PHF8: variants seen among roughly 807,000 people sequenced by gnomAD.
The protein encoded by PHF8 is PHD finger protein 8.
A neutral mutation model predicts 74.4 loss-of-function variants in PHF8; 9 were observed. That is an observed-to-expected ratio of 0.12 (90% CI 0.07 to 0.21). The LOEUF is 0.21. PHF8 is among the 10% of genes least tolerant of loss of function. The pLI is 1.00. For missense variants in PHF8, 478 were observed against 816.6 expected (o/e 0.59, Z 5.05); for synonymous variants, 311 against 316.6 (o/e 0.98, Z 0.19).
intron 6 of PHF8, 61 bp downstream of exon 6, chrX:54,016,534 G>A (rs1397513710): frequency 1.1e-6 from 1 of 923,952 alleles, no homozygotes; most frequent in African/African-American, 2.0e-5. Context: ...ATATACACTA[G>A]ATATATCACA....
chrX:53,957,079 G>T lies in PHF8; in HGVS notation c.2539+5765C>A, dbSNP rs190538342. 7.0e-3 allele frequency among the ~76,000 whole-genome samples: 766 copies of T among 109,153 alleles called. 9 individuals are homozygous for T. Among genetic ancestry groups the T allele is most frequent in the African/African-American group, 0.024 (717 of 29,923 alleles). The allele number at this position is 109,153 out of a possible 115,157, so 94.8% of individuals were successfully genotyped here. A position where few individuals can be genotyped will look rare whatever the true frequency, so the allele number is the denominator to read the frequency against. On this transcript the variant is annotated intron_variant, in intron 19 of 21. Coordinates refer to ENST00000338154, the MANE Select transcript of PHF8 (RefSeq NM_015107.3). ...TACAAAAAACTGGCCAGGCGCGGTG[G>T]CTCATGCCTGTAATCCCAGCACTTT...
At chrX:53,999,556 T>C (rs2065798691) in intron 11 of PHF8, 4 of 240,955 alleles carry the variant, frequency 1.7e-5, no homozygotes, top group Non-Finnish European at 3.0e-5. Context: ...AAAATGCACA[T>C]AAAAAAGACC....
rs1408762293 is a variant in PHF8 at position 53,993,881 on chromosome X, C to T, written c.1346G>A (p.Gly449Glu). 2 of 1,205,721 alleles carry T rather than the reference C, an allele frequency of 1.7e-6. No homozygotes were observed. The highest frequency in any genetic ancestry group is 2.2e-6 in the Non-Finnish European group (2 of 890,457). Residue 449 changes from glycine to glutamate, a missense_variant, in exon 13 of 22, where the codon GGG (glycine) becomes GAG (glutamate). Gly to Glu is a moderately conservative substitution (Grantham distance 98). Around this residue, in one of 9 missense-constraint regions of PHF8, gnomAD observed 153 missense variants for 164.8 expected, o/e 0.93. Transcript: ENST00000338154. ...LVEDIFQQNV[G>E]KTSNIFGLQR... is the part of the protein sequence containing the mutation. ...CAGCCCAAAGATATTGCTCGTCTTC[C>T]CAACGTTCTGTTGGAAGATGTCCTA... is the stretch of plus-strand genomic sequence containing the variant.
At chrX:54,004,693 G>A (rs1199926557) in intron 8 of PHF8, among the ~76,000 whole-genome samples, 2 of 111,254 alleles carry the variant, frequency 1.8e-5, no homozygotes, top group African/African-American at 6.5e-5. Context: ...CACTTTGGGA[G>A]GCCGAGGTGG....
chrX:54,010,425 T>C (rs2065966386), intron 8 of PHF8, among the ~76,000 whole-genome samples: 1 of 112,362 alleles, frequency 8.9e-6, no homozygotes, highest in Non-Finnish European at 1.9e-5. Flanking sequence ...ACTTATTTAA[T>C]ATGAAATAGA....
chrX:54,040,696 G>A (rs1170185909), intron 2 of PHF8, among the ~76,000 whole-genome samples: 1 of 111,640 alleles, frequency 9.0e-6, no homozygotes. Context: ...CAAGAGAGGA[G>A]GAGTGGCAGG....
intron 8 of PHF8, among the ~76,000 whole-genome samples, chrX:54,005,579 T>A (rs1486080647): frequency 4.1e-4 from 25 of 61,123 alleles, no homozygotes; most frequent in African/African-American, 7.3e-4. Flanking sequence ...CCCAAAGAAA[T>A]CCACACCAAA....
At chrX:53,951,848 C>A (rs911401464) in intron 19 of PHF8, among the ~76,000 whole-genome samples, 1 of 111,511 alleles carries the variant, frequency 9.0e-6, no homozygotes, top group Non-Finnish European at 1.9e-5. Context: ...GAAGACAGTG[C>A]GAAGACATAT....
At chrX:54,043,392 G>A (rs2066597118) in intron 1 of PHF8, among the ~76,000 whole-genome samples, 1 of 110,982 alleles carries the variant, frequency 9.0e-6, no homozygotes, top group South Asian at 3.8e-4. Flanking sequence ...TGTTCGGAGA[G>A]TTTAAATAAT....
intron 19 of PHF8, among the ~76,000 whole-genome samples, chrX:53,948,492 T>C (rs1557085883): frequency 9.1e-6 from 1 of 110,136 alleles, no homozygotes; most frequent in Admixed American, 9.7e-5. Flanking sequence ...AGGCTGGTCT[T>C]AAACTCCTGA....
At chrX:53,955,287 C>T (rs1278827994) in intron 19 of PHF8, among the ~76,000 whole-genome samples, 2 of 110,540 alleles carry the variant, frequency 1.8e-5, no homozygotes, top group African/African-American at 6.6e-5. Flanking sequence ...CTATGTGGCC[C>T]AGGCTGGTCT....
chrX:53,990,031 T>C (rs181693859), intron 14 of PHF8, among the ~76,000 whole-genome samples: 2 of 111,908 alleles, frequency 1.8e-5, no homozygotes, highest in East Asian at 2.8e-4. Context: ...TTTTATTAAC[T>C]TCTAATAATT....
intron 8 of PHF8, among the ~76,000 whole-genome samples, chrX:54,005,774 T>C (rs1329208175): frequency 1.8e-5 from 2 of 109,810 alleles, no homozygotes; most frequent in East Asian, 5.7e-4. Context: ...AGAAAAGAAC[T>C]ATTAACCCAG....
At chrX:54,014,311 C>T in intron 7 of PHF8, 66 bp downstream of exon 7, 1 of 754,379 alleles carries the variant, frequency 1.3e-6, no homozygotes, top group Non-Finnish European at 2.1e-6. Flanking sequence ...TGTTTCTGTG[C>T]TGCCATGTGA....
chrX:54,044,809 C>T, upstream of PHF8: 1 of 1,000,303 alleles, frequency 1.0e-6, no homozygotes, highest in Non-Finnish European at 1.4e-6. Context: ...TCGGTGACTC[C>T]AAACTACAAA....
chrX:54,043,017 GCTTCCCACCGCCCCCACACTCTCCA>G (rs1290610961), intron 1 of PHF8, 197 bp from the exon 2 acceptor site: 1 of 486,972 alleles, frequency 2.1e-6, no homozygotes, highest in Non-Finnish European at 3.1e-6. Context: ...AACCTTCCAG[GCTTCCCACCGCCCCCACACTCTCCA>G]CTCCCCACCC....
intron 3 of PHF8, 69 bp downstream of exon 3, chrX:54,022,688 TC>T: frequency 1.5e-6 from 1 of 684,993 alleles, no homozygotes; most frequent in Non-Finnish European, 2.3e-6. Flanking sequence ...AAGCAATCAC[TC>T]CCCCAAATTT....
chrX:53,938,482 C>T lies in PHF8; in HGVS notation c.*676G>A, dbSNP rs960934462. On this transcript the variant is annotated 3_prime_UTR_variant, in exon 22 of 22. Transcript: ENST00000338154. ...GGTCAAAGGCTTGGGCATCTGACCT[C>T]TCCCTACCTTGACAAGTGATAGGAA... The T allele has an allele frequency of 4.9e-5, 38 of 769,110 alleles. No homozygotes were observed. In the African/African-American group the frequency reaches 8.4e-4, roughly 17 times the overall value. The allele number at this position is 769,110 out of a possible 1,213,427, so 63.4% of individuals were successfully genotyped here.
intron 2 of PHF8, 80 bp from the exon 3 acceptor site, chrX:54,022,923 G>C: frequency 3.5e-6 from 2 of 567,877 alleles, no homozygotes; most frequent in African/African-American, 2.2e-5. Flanking sequence ...CAGTAGAACA[G>C]CTATTAAGTA....
Sources: allele counts gnomAD v4.1 joint callset (sites outside exome capture counted in the v4.1 genomes callset), GRCh38; gene constraint gnomAD v4.1.1; regional missense constraint gnomAD v4.1.1; transcripts MANE v1.5; gene names NCBI Gene and HGNC (gene_info 2026-07-23, HGNC 2026-07-21).